Variants in DEK observed in about 807,000 individuals in gnomAD.
DEK encodes the protein protein DEK.
A neutral mutation model predicts 46.8 loss-of-function variants in DEK; 28 were observed. The observed-to-expected ratio is 0.60, with a 90% CI of 0.44 to 0.82. The LOEUF (loss-of-function observed/expected upper bound fraction) is 0.82. Ranked by LOEUF, DEK falls within the 40% of genes least tolerant of loss-of-function variation. The pLI, the probability that DEK is intolerant of heterozygous loss-of-function variation, is 0.00. For synonymous variants in DEK, 160 were observed against 144.5 expected (o/e 1.11, Z -0.77); for missense variants, 416 against 430.6 (o/e 0.97, Z 0.30).
At chr6:18,264,227 G>A in intron 1 of DEK, 158 bp downstream of exon 1, 2 of 322,202 alleles carry the variant, frequency 6.2e-6, no homozygotes, top group East Asian at 5.3e-5. Flanking sequence ...CCGCGTGCGC[G>A]CGCGCCCGCC....
At chr6:18,247,239 G>C (rs993066311) in intron 7 of DEK, among the ~76,000 whole-genome samples, 4 of 151,498 alleles carry the variant, frequency 2.6e-5, no homozygotes, top group Non-Finnish European at 5.9e-5. Context: ...TAAATTTAAA[G>C]CAACAATGCT....
chr6:18,261,727 A>G (rs1236553192), intron 2 of DEK, among the ~76,000 whole-genome samples: 6 of 152,218 alleles, frequency 3.9e-5, no homozygotes, highest in African/African-American at 1.2e-4. Context: ...TTGGGAGTAA[A>G]TAACTTGTTT....
Position 18,237,410 on chromosome 6 carries a change from G to T in DEK, c.869C>A (p.Thr290Asn), listed in dbSNP as rs1318676731. 8.1e-6 allele frequency: 13 copies of T among 1,603,444 alleles called. No homozygotes were observed. Among genetic ancestry groups the T allele is most frequent in the African/African-American group, 1.4e-5 (1 of 73,832 alleles). Residue 290 changes from threonine (T) to asparagine (N), a missense_variant, in exon 8 of 11, where the codon ACC becomes AAC. Physicochemically the swap from Thr to Asn is moderately conservative, Grantham distance 65 (BLOSUM62 0). Transcript: ENST00000652689. Reference sequence around the variant, plus strand: ...TTTGGAACTGTTTTGATTCTTCTTGGTGGTGCTGCTATCTGCTTTCTTAAC... The same window carrying T: ...TTTGGAACTGTTTTGATTCTTCTTGTTGGTGCTGCTATCTGCTTTCTTAAC... ...ANVKKADSSTTKKNQNSSKKE... is the reference protein window; with the variant it reads ...ANVKKADSSTNKKNQNSSKKE...
Position 18,232,943 on chromosome 6 carries a change from A to G in DEK, c.1047+3509T>C, listed in dbSNP as rs569065986. Among the ~76,000 whole-genome samples the G allele has an allele frequency of 7.2e-5, 11 of 152,342 alleles. No individual in the cohort carries two copies. The South Asian group carries it at 1.9e-3, about 26-fold the overall frequency. ...TGGAGGCAGCACACTACCTGACTTC[A>G]AACTATACTATAAGGCTACAGTAAC... On this transcript the variant is annotated intron_variant, in intron 9 of 10. Coordinates refer to ENST00000652689, the MANE Select transcript of DEK (RefSeq NM_003472.4).
At chr6:18,253,456 C>T (rs1791479635) in intron 6 of DEK, among the ~76,000 whole-genome samples, 2 of 152,102 alleles carry the variant, frequency 1.3e-5, no homozygotes, top group Admixed American at 1.3e-4. Flanking sequence ...GATTTAATGA[C>T]AGTGTTCAAT....
At chr6:18,232,212 T>C (rs1161622408) in intron 9 of DEK, among the ~76,000 whole-genome samples, 1 of 152,178 alleles carries the variant, frequency 6.6e-6, no homozygotes, top group Non-Finnish European at 1.5e-5. Context: ...ATGTGACGTA[T>C]CTCAAAATAA....
intron 2 of DEK, among the ~76,000 whole-genome samples, chr6:18,259,831 G>A (rs368748388): frequency 4.7e-4 from 72 of 152,260 alleles, no homozygotes; most frequent in African/African-American, 1.5e-3. Context: ...GTAAGGATTC[G>A]CACAGAAAGA....
At chr6:18,228,019 T>C (rs1376254048) in intron 9 of DEK, among the ~76,000 whole-genome samples, 1 of 152,186 alleles carries the variant, frequency 6.6e-6, no homozygotes, top group African/African-American at 2.4e-5. Context: ...GTCAATTTTC[T>C]CAGTCCTGTT....
chr6:18,259,830 C>T lies in DEK; in HGVS notation c.146-1425G>A, dbSNP rs116129034. Among the ~76,000 whole-genome samples, 668 of 152,256 alleles carry T rather than the reference C, an allele frequency of 4.4e-3. 5 individuals are homozygous for T. The highest frequency in any genetic ancestry group is 0.016 in the African/African-American group (644 of 41,532). On this transcript the variant is annotated intron_variant, in intron 2 of 10. Transcript: ENST00000652689. ...GCTTAGATTTAGTAATGTAAGGATT[C>T]GCACAGAAAGAATACTTCAGGAGAA... is the stretch of plus-strand genomic sequence containing the variant.
intron 9 of DEK, among the ~76,000 whole-genome samples, chr6:18,228,742 G>A (rs113563148): frequency 0.028 from 4,298 of 152,300 alleles, 199 homozygotes; most frequent in African/African-American, 0.096. Context: ...CGCCTGGCTC[G>A]GAGAGTCCCA....
chr6:18,253,389 A>C (rs1791477317), intron 6 of DEK, among the ~76,000 whole-genome samples: 1 of 152,232 alleles, frequency 6.6e-6, no homozygotes, highest in African/African-American at 2.4e-5. Flanking sequence ...TGAACTTGAT[A>C]GTTTACCAAG....
rs11544757 is a variant in DEK, at chr6:18,263,979, G to A, written c.9C>T (p.Ala3=). The change falls in exon 2 of 11, where the codon GCC becomes GCT. Residue 3 remains alanine, a synonymous_variant. Coordinates refer to ENST00000652689, the MANE Select transcript of DEK (RefSeq NM_003472.4). ...CCTCCCCCTCCGCAGCAGGGGCCGA[G>A]GCGGACATGCTGTGAACCTGCATGC... is the stretch of plus-strand genomic sequence containing the variant. The part of the protein sequence containing the change: MS[A]SAPAAEGEGT... 0.2 allele frequency: 324,052 copies of A among 1,609,874 alleles called. 33,938 individuals carry two copies. The highest frequency in any genetic ancestry group is 0.24 in the South Asian group (22,134 of 90,772).
intron 7 of DEK, among the ~76,000 whole-genome samples, chr6:18,241,065 T>C (rs185428117): frequency 4.6e-4 from 70 of 152,344 alleles, no homozygotes; most frequent in Admixed American, 3.2e-3. Context: ...TTTAGATTAA[T>C]GCTGAGTTAA....
At chr6:18,258,279 T>A (rs775361179) in intron 3 of DEK, 25 bp downstream of exon 3, 2 of 1,582,462 alleles carry the variant, frequency 1.3e-6, no homozygotes, top group African/African-American at 1.4e-5. Flanking sequence ...CACCACAAAA[T>A]GAAAGGAAGC....
At chr6:18,236,732 T>G (rs940175404) in intron 8 of DEK, 132 bp from the exon 9 acceptor site, 5 of 550,742 alleles carry the variant, frequency 9.1e-6, no homozygotes, top group Non-Finnish European at 1.4e-5. Context: ...ATCACTACTC[T>G]ACAGTTACCT....
Position 18,225,384 on chromosome 6 carries a change from T to C in DEK, c.*335A>G, listed in dbSNP as rs1039924880. 1 of 281,772 alleles carries C rather than the reference T, an allele frequency of 3.5e-6. No homozygotes were observed. The highest frequency in any genetic ancestry group is 6.6e-6 in the Non-Finnish European group (1 of 150,432). 17.5% of individuals were successfully genotyped at this position (281,772 alleles called of 1,614,324 possible). ...TTTTTGTTCTACTTGATTAAAAGTA[T>C]GCCTTAAGCAAGCTAATATTAAGTG... is the stretch of plus-strand genomic sequence containing the variant. On this transcript the variant is annotated 3_prime_UTR_variant, in exon 11 of 11. Transcript: ENST00000652689.
At chr6:18,235,910 A>G (rs1034688632) in intron 9 of DEK, among the ~76,000 whole-genome samples, 1 of 152,250 alleles carries the variant, frequency 6.6e-6, no homozygotes, top group Non-Finnish European at 1.5e-5. Flanking sequence ...CTTTTGGTAC[A>G]TTCCAAATTG....
Position 18,264,452 on chromosome 6 carries a change from C to T in DEK, c.-77G>A. On this transcript the variant is annotated 5_prime_UTR_variant, in exon 1 of 11. Transcript: ENST00000652689. ...GGAGGTTCTGGGAGGCGGCGGCGGC[C>T]GACGCCGAGGAGAAGGCGCGCGGGC... 3.6e-6 allele frequency: 1 copy of T among 280,212 alleles called. No homozygotes were observed. Among genetic ancestry groups the T allele is most frequent in the South Asian group, 2.9e-5 (1 of 34,204 alleles). 17.4% of individuals were successfully genotyped at this position (280,212 alleles called of 1,614,324 possible).
intron 2 of DEK, among the ~76,000 whole-genome samples, chr6:18,261,488 C>T (rs996261862): frequency 5.9e-5 from 9 of 152,114 alleles, no homozygotes; most frequent in Non-Finnish European, 1.3e-4. Context: ...AGTAGAATCC[C>T]TTGAACCAGG....
Sources: gnomAD v4.1 joint callset for allele counts (sites outside exome capture counted in the v4.1 genomes callset) on GRCh38, gnomAD v4.1.1 for gene constraint, MANE v1.5 for transcripts, NCBI Gene and HGNC (gene_info 2026-07-23, HGNC 2026-07-21) for gene names.